AKAP6: variants seen among roughly 807,000 people sequenced by gnomAD.
The protein encoded by AKAP6 is A-kinase anchoring protein 6, also known as A-kinase anchor protein 6.
A neutral mutation model predicts 188.5 loss-of-function variants in AKAP6; 58 were observed. The ratio of observed to expected loss-of-function variants is 0.31; its 90% CI spans 0.25 to 0.38. The LOEUF (loss-of-function observed/expected upper bound fraction) is 0.38. AKAP6 is among the 10% of genes least tolerant of loss of function. The probability of loss-of-function intolerance (pLI) is 1.00; values close to 1 mark genes in which losing one functional copy is unlikely to be tolerated. For synonymous variants in AKAP6, 989 were observed against 998.6 expected (o/e 0.99, Z 0.18); for missense variants, 2,710 against 2,740.0 (o/e 0.99, Z 0.24).
At chr14:32,798,758 T>G (rs938817037) in intron 12 of AKAP6, among the ~76,000 whole-genome samples, 1 of 152,064 alleles carries the variant, frequency 6.6e-6, no homozygotes, top group Non-Finnish European at 1.5e-5. Context: ...ATAAAAAAAC[T>G]ACCTATCAGG....
In AKAP6 at chr14:32,837,247, T is replaced by TATG. The variant is rs1257920278; in HGVS notation, c.*7446_*7448dup. ...TTAATTTAACACAAATGCATAAAAA[T>TATG]ATGATGTAATAAGAAACAATCCTGA... On this transcript the variant is annotated 3_prime_UTR_variant, in exon 14 of 14. Transcript: ENST00000280979. 4 of 152,342 alleles carry TATG rather than the reference T, an allele frequency of 2.6e-5. No homozygotes were observed. Among genetic ancestry groups the TATG allele is most frequent in the Admixed American group, 1.3e-4 (2 of 15,302 alleles). 9.4% of individuals were successfully genotyped at this position (152,342 alleles called of 1,614,324 possible).
rs564054585 is a variant in AKAP6, at chr14:32,677,570, T to C, written c.2731-741T>C. Among the ~76,000 whole-genome samples, 3 of 152,352 alleles carry C rather than the reference T, an allele frequency of 2.0e-5. No homozygotes were observed. In the South Asian group the frequency reaches 6.2e-4, roughly 32 times the overall value. ...TCATTCTCGGTCTCATCTGATGTTC[T>C]AGGGAACCTGAAAGCCACAGGAATC... is the stretch of plus-strand genomic sequence containing the variant. On this transcript the variant is annotated intron_variant, in intron 7 of 13. Coordinates refer to ENST00000280979, the MANE Select transcript of AKAP6 (RefSeq NM_004274.5).
chr14:32,601,469 C>T (rs532029988), intron 7 of AKAP6, among the ~76,000 whole-genome samples: 2 of 152,164 alleles, frequency 1.3e-5, no homozygotes, highest in South Asian at 2.1e-4. Flanking sequence ...TTAAATGAGG[C>T]ACCTTTTGAT....
intron 2 of AKAP6, among the ~76,000 whole-genome samples, chr14:32,501,671 T>C (rs991865305): frequency 3.3e-5 from 5 of 152,174 alleles, no homozygotes; most frequent in African/African-American, 1.2e-4. Flanking sequence ...AGGAAATTGA[T>C]GCCCAGGCAG....
In AKAP6 at chr14:32,824,289, G is replaced by T. The variant is rs1334253672; in HGVS notation, c.6476G>T (p.Cys2159Phe). 5.0e-6 allele frequency: 8 copies of T among 1,613,856 alleles called. No individual in the cohort carries two copies. The highest frequency in any genetic ancestry group is 5.9e-6 in the Non-Finnish European group (7 of 1,179,926). The change falls in exon 13 of 14, where the codon TGT (cysteine) becomes TTT (phenylalanine). Residue 2159 changes from cysteine to phenylalanine, a missense_variant. Cys to Phe is a radical substitution (Grantham distance 205). Coordinates refer to ENST00000280979, the MANE Select transcript of AKAP6 (RefSeq NM_004274.5). ...GATATTGAATGCTTTTTTGAGGCCT[G>T]TGTTGAGGGTGACTCTGATGGAGAG... is the stretch of plus-strand genomic sequence containing the variant. ...KEDIECFFEACVEGDSDGEEP... is the reference protein window; with the variant it reads ...KEDIECFFEAFVEGDSDGEEP...
At chr14:32,710,028 C>T (rs775710907) in intron 9 of AKAP6, among the ~76,000 whole-genome samples, 1 of 151,986 alleles carries the variant, frequency 6.6e-6, no homozygotes, top group Non-Finnish European at 1.5e-5. Flanking sequence ...CTTTAACAAG[C>T]TCCATGGATT....
intron 2 of AKAP6, among the ~76,000 whole-genome samples, chr14:32,482,196 C>T (rs11156749): frequency 0.15 from 23,520 of 152,152 alleles, 1,979 homozygotes; most frequent in Admixed American, 0.25. Flanking sequence ...CAACCTGTGA[C>T]ATTATCTGGT....
chr14:32,498,657 A>G (rs1215060346), intron 2 of AKAP6, among the ~76,000 whole-genome samples: 1 of 152,068 alleles, frequency 6.6e-6, no homozygotes, highest in East Asian at 1.9e-4. Flanking sequence ...TTCGAGGATG[A>G]GCAACACTAC....
chr14:32,726,116 C>G (rs1324722372), intron 9 of AKAP6: 1 of 889,602 alleles, frequency 1.1e-6, no homozygotes, highest in South Asian at 5.2e-5. Context: ...TTCTAGTTCC[C>G]ACACTAGAAA....
intron 2 of AKAP6, among the ~76,000 whole-genome samples, chr14:32,444,892 A>G (rs1457972346): frequency 6.6e-6 from 1 of 152,230 alleles, no homozygotes; most frequent in Non-Finnish European, 1.5e-5. Context: ...TAATAGTGAG[A>G]GTCAGGCATG....
chr14:32,536,828 A>G (rs1268485495), intron 3 of AKAP6, among the ~76,000 whole-genome samples: 1 of 152,192 alleles, frequency 6.6e-6, no homozygotes, highest in East Asian at 1.9e-4. Flanking sequence ...CAGCGGCTGT[A>G]TGTATACATA....
At chr14:32,688,618 C>T (rs1404177418) in intron 8 of AKAP6, among the ~76,000 whole-genome samples, 1 of 152,098 alleles carries the variant, frequency 6.6e-6, no homozygotes, top group Non-Finnish European at 1.5e-5. Flanking sequence ...ACTTCTTATG[C>T]TGTTGAGACC....
At chr14:32,615,591 CTTTTTTTTTTT>C (rs779867395) in intron 7 of AKAP6, among the ~76,000 whole-genome samples, 4 of 115,306 alleles carry the variant, frequency 3.5e-5, no homozygotes, top group African/African-American at 1.5e-4. Flanking sequence ...TAAACCATTA[CTTTTTTTTTTT>C]TTTTTTTTTT....
intron 1 of AKAP6, among the ~76,000 whole-genome samples, chr14:32,350,371 A>G (rs2138443486): frequency 6.6e-6 from 1 of 152,286 alleles, no homozygotes; most frequent in East Asian, 1.9e-4. Flanking sequence ...AAATTATCAG[A>G]TAAACCGAGA....
intron 10 of AKAP6, among the ~76,000 whole-genome samples, chr14:32,735,265 A>G (rs1242806943): frequency 6.6e-6 from 1 of 151,998 alleles, no homozygotes; most frequent in Admixed American, 6.6e-5. Context: ...TTATGTGGAG[A>G]GTTTTTTACT....
At chr14:32,662,537 C>T (rs1414300727) in intron 7 of AKAP6, among the ~76,000 whole-genome samples, 2 of 152,084 alleles carry the variant, frequency 1.3e-5, no homozygotes, top group East Asian at 3.9e-4. Context: ...TTCCTCTATT[C>T]ACTATTCCCT....
intron 2 of AKAP6, among the ~76,000 whole-genome samples, chr14:32,455,145 T>TA (rs1028881867): frequency 1.3e-5 from 2 of 151,130 alleles, no homozygotes; most frequent in African/African-American, 4.9e-5. Context: ...TTGTTTCAAT[T>TA]AAAAAACAAT....
chr14:32,534,044 T>G (rs1053042069), intron 2 of AKAP6, among the ~76,000 whole-genome samples: 2 of 152,206 alleles, frequency 1.3e-5, no homozygotes, highest in African/African-American at 4.8e-5. Flanking sequence ...CTCATTGGAA[T>G]TGTACAACAA....
At chr14:32,570,041 C>A (rs1253653133) in intron 4 of AKAP6, among the ~76,000 whole-genome samples, 5 of 151,896 alleles carry the variant, frequency 3.3e-5, no homozygotes, top group African/African-American at 9.7e-5. Context: ...GTCTCATTGA[C>A]CATGTGAGGT....
Sources: gnomAD v4.1 joint callset for allele counts (sites outside exome capture counted in the v4.1 genomes callset) on GRCh38, gnomAD v4.1.1 for gene constraint, MANE v1.5 for transcripts, NCBI Gene and HGNC (gene_info 2026-07-23, HGNC 2026-07-21) for gene names.